Variants in SH3BGRL2 observed in about 807,000 individuals in gnomAD.
SH3BGRL2 encodes SH3 domain binding glutamate rich protein like 2, also known as SH3 domain-binding glutamic acid-rich-like protein 2.
SH3BGRL2 carries 21 observed loss-of-function variants against 14.8 expected under a neutral mutation model. The ratio of observed to expected loss-of-function variants is 1.42; its 90% CI spans 1.01 to 2.05. The LOEUF is 2.05. SH3BGRL2 is among the 30% of genes most tolerant of loss of function. The pLI is 0.00. For synonymous variants in SH3BGRL2, 50 were observed against 47.8 expected, an observed-to-expected ratio of 1.05 and a Z score of -0.19; for missense variants, 147 against 130.8, an observed-to-expected ratio of 1.12 and a Z score of -0.61.
the SH3BGRL2 span, chr6:79,575,205 C>A: frequency 1.3e-5 from 2 of 152,114 alleles, no homozygotes; most frequent in Non-Finnish European, 2.9e-5. Context: ...ACTATAGTCA[C>A]CTTGCTGTAT....
chr6:79,649,985 T>TCTCTCACA (rs765159303), intron 1 of SH3BGRL2, among the ~76,000 whole-genome samples: 9 of 141,980 alleles, frequency 6.3e-5, no homozygotes, highest in African/African-American at 2.4e-4. Flanking sequence ...TCTCTCTCTC[T>TCTCTCACA]CACACACACA....
chr6:79,585,095 C>T, the SH3BGRL2 span, among the ~76,000 whole-genome samples: 1 of 146,258 alleles, frequency 6.8e-6, no homozygotes, highest in African/African-American at 2.5e-5. Context: ...TAAATAAAAA[C>T]ACATTATATA....
intron 3 of SH3BGRL2, 55 bp from the exon 4 acceptor site, chr6:79,699,443 C>T (rs1009284530): frequency 6.0e-5 from 83 of 1,372,362 alleles, no homozygotes; most frequent in South Asian, 3.5e-4. Flanking sequence ...ATTTTCTTGT[C>T]GATGTAATGC....
At chr6:79,593,623 G>T in the SH3BGRL2 span, among the ~76,000 whole-genome samples, 1 of 152,096 alleles carries the variant, frequency 6.6e-6, no homozygotes, top group East Asian at 1.9e-4. Flanking sequence ...CTGGTGTGGG[G>T]AGGAAAAAAA....
At chr6:79,656,768 TA>T in intron 1 of SH3BGRL2, among the ~76,000 whole-genome samples, 1 of 152,324 alleles carries the variant, frequency 6.6e-6, no homozygotes, top group South Asian at 2.1e-4. Flanking sequence ...TACACCATTT[TA>T]CATCAAGGAT....
the SH3BGRL2 span, among the ~76,000 whole-genome samples, chr6:79,609,016 G>A: frequency 5.3e-5 from 8 of 152,236 alleles, no homozygotes; most frequent in East Asian, 1.9e-4. Context: ...AGCACTCTAT[G>A]GTCTTAACAC....
At chr6:79,594,964 T>C in the SH3BGRL2 span, among the ~76,000 whole-genome samples, 1 of 152,290 alleles carries the variant, frequency 6.6e-6, no homozygotes, top group Admixed American at 6.5e-5. Context: ...AGCAAAGATT[T>C]CAAAATTTTA....
At chr6:79,580,509 C>T in the SH3BGRL2 span, among the ~76,000 whole-genome samples, 1 of 152,200 alleles carries the variant, frequency 6.6e-6, no homozygotes, top group African/African-American at 2.4e-5. Flanking sequence ...CACACAACTA[C>T]ATAGAATCTG....
chr6:79,652,049 C>G (rs796246506), intron 1 of SH3BGRL2, among the ~76,000 whole-genome samples: 62 of 152,248 alleles, frequency 4.1e-4, no homozygotes, highest in African/African-American at 1.4e-3. Context: ...GCCAAATGTC[C>G]CCCAGGAGGG....
chr6:79,674,780 C>A (rs1769848214), intron 2 of SH3BGRL2, among the ~76,000 whole-genome samples: 1 of 152,188 alleles, frequency 6.6e-6, no homozygotes, highest in African/African-American at 2.4e-5. Context: ...GAATCCTGAA[C>A]ATGGCATTAG....
At chr6:79,612,461 C>T in the SH3BGRL2 span, among the ~76,000 whole-genome samples, 2 of 152,142 alleles carry the variant, frequency 1.3e-5, no homozygotes, top group Non-Finnish European at 2.9e-5. Context: ...CTGGGAACTT[C>T]CAGATTATTA....
intron 1 of SH3BGRL2, among the ~76,000 whole-genome samples, chr6:79,647,854 T>G (rs1769174505): frequency 6.6e-6 from 1 of 152,146 alleles, no homozygotes; most frequent in Admixed American, 6.6e-5. Flanking sequence ...TTCTTTTTTG[T>G]CAAATACATA....
rs1582740513 is a variant in SH3BGRL2, at chr6:79,692,438, A to G, written c.232-4047A>G. ...AGACATGAAGTCCTTGCCCATGCCT[A>G]TGTCCTGAATGGTATTGCGTAGGTT... On this transcript the variant is annotated intron_variant, in intron 2 of 3. Coordinates refer to ENST00000369838, the MANE Select transcript of SH3BGRL2 (RefSeq NM_031469.4). Among the ~76,000 whole-genome samples, 4 of 152,322 alleles carry G rather than the reference A, an allele frequency of 2.6e-5. No individual in the cohort carries two copies. In the South Asian group the frequency reaches 6.2e-4, roughly 24 times the overall value.
the SH3BGRL2 span, among the ~76,000 whole-genome samples, chr6:79,539,830 A>G: frequency 1.3e-5 from 2 of 152,226 alleles, no homozygotes; most frequent in Admixed American, 6.5e-5. Flanking sequence ...GGGACATACT[A>G]TATATAGTAT....
the SH3BGRL2 span, among the ~76,000 whole-genome samples, chr6:79,615,484 T>G: frequency 6.6e-6 from 1 of 152,164 alleles, no homozygotes; most frequent in Non-Finnish European, 1.5e-5. Context: ...GAAGCAAATG[T>G]GGTTCTACAC....
At chr6:79,698,850 G>A (rs914078993) in intron 3 of SH3BGRL2, among the ~76,000 whole-genome samples, 10 of 152,112 alleles carry the variant, frequency 6.6e-5, no homozygotes, top group South Asian at 2.1e-4. Context: ...CCATTTCACC[G>A]ATACTTTTTA....
rs1361270013 is a variant in SH3BGRL2, at chr6:79,675,551, T to A, written c.231+1752T>A. On this transcript the variant is annotated intron_variant, in intron 2 of 3. Coordinates refer to ENST00000369838, the MANE Select transcript of SH3BGRL2 (RefSeq NM_031469.4). ...TTTTTCCTGAAAATTTTCTCCCTAC[T>A]TTTTTCCTTGTTCCCTTTCTCTTGA... 2.6e-5 allele frequency among the ~76,000 whole-genome samples: 4 copies of A among 152,128 alleles called. No individual in the cohort carries two copies. The East Asian group carries it at 7.7e-4, about 29-fold the overall frequency.
Position 79,677,868 on chromosome 6 carries a change from A to G in SH3BGRL2, c.231+4069A>G, listed in dbSNP as rs189363239. On this transcript the variant is annotated intron_variant, in intron 2 of 3. Transcript: ENST00000369838. ...CTGAGAATGTGGGTGATGAGATTCT[A>G]AAGGTAAAGGAGCCAACACTTTGGC... is the stretch of plus-strand genomic sequence containing the variant. Among the ~76,000 whole-genome samples the G allele has an allele frequency of 7.2e-5, 11 of 152,304 alleles. No individual in the cohort carries two copies. In the East Asian group the frequency reaches 1.7e-3, roughly 24 times the overall value.
intron 2 of SH3BGRL2, among the ~76,000 whole-genome samples, chr6:79,693,154 TG>T (rs1258440743): frequency 2.0e-5 from 3 of 152,218 alleles, no homozygotes; most frequent in Non-Finnish European, 4.4e-5. Context: ...TTTGGCTCTC[TG>T]TTTGTCTATT....
Sources: gnomAD v4.1 joint callset for allele counts (sites outside exome capture counted in the v4.1 genomes callset) on GRCh38, gnomAD v4.1.1 for gene constraint, MANE v1.5 for transcripts, NCBI Gene and HGNC (gene_info 2026-07-23, HGNC 2026-07-21) for gene names.